KPNA2: variants seen among roughly 807,000 people sequenced by gnomAD.
KPNA2 encodes importin subunit alpha-1.
A neutral mutation model predicts 53.7 loss-of-function variants in KPNA2; 20 were observed. That is an observed-to-expected ratio of 0.37 (90% CI 0.26 to 0.54). KPNA2 has a LOEUF of 0.54. KPNA2 is among the 20% of genes least tolerant of loss of function. The pLI is 0.83. For synonymous variants in KPNA2, 238 were observed against 227.5 expected, an observed-to-expected ratio of 1.05 and a Z score of -0.42; for missense variants, 515 against 640.3, an observed-to-expected ratio of 0.80 and a Z score of 2.11.
chr17:68,045,301 C>T (rs1455616777), intron 9 of KPNA2, among the ~76,000 whole-genome samples: 6 of 152,054 alleles, frequency 3.9e-5, no homozygotes, highest in African/African-American at 1.5e-4. Flanking sequence ...ACCTACATAC[C>T]ATTCCATATG....
rs1555705045 is a variant in KPNA2, at chr17:68,043,977, G to A, written c.1070G>A (p.Trp357Ter). ...PKTNIQKEAT[W>*]TMSNITAGRQ... ...ACTAACATTCAGAAGGAAGCTACGT[G>A]GACAATGTCAAACATCACAGCCGGC... Residue 357 changes from tryptophan (W) to a stop codon, truncating the protein, a stop_gained, in exon 8 of 11, where the codon TGG becomes TAG. Transcript: ENST00000330459. LOFTEE classifies it high-confidence loss of function. 1 of 1,613,868 alleles carries A rather than the reference G, an allele frequency of 6.2e-7. No individual in the cohort carries two copies. Among genetic ancestry groups the A allele is most frequent in the Non-Finnish European group, 8.5e-7 (1 of 1,179,848 alleles).
chr17:68,043,167 C>G lies in KPNA2; in HGVS notation c.734C>G (p.Pro245Arg). The change falls in exon 7 of 11, where the codon CCG becomes CGG. Residue 245 changes from proline (P) to arginine (R), a missense_variant. Coordinates refer to ENST00000330459, the MANE Select transcript of KPNA2 (RefSeq NM_002266.4). Reference sequence around the variant, plus strand: ...TGCCGCAACAAGAATCCTGCACCCCCGATAGATGCTGTTGAGCAGATTCTT... The same window carrying G: ...TGCCGCAACAAGAATCCTGCACCCCGGATAGATGCTGTTGAGCAGATTCTT... ...NLCRNKNPAP[P>R]IDAVEQILPT... 1 of 1,614,090 alleles carries G rather than the reference C, an allele frequency of 6.2e-7. No individual in the cohort carries two copies. The highest frequency in any genetic ancestry group is 8.5e-7 in the Non-Finnish European group (1 of 1,180,014).
At chr17:68,038,439 C>T (rs2071216377) in intron 3 of KPNA2, among the ~76,000 whole-genome samples, 1 of 152,128 alleles carries the variant, frequency 6.6e-6, no homozygotes, top group Non-Finnish European at 1.5e-5. Context: ...TTTTGGTATT[C>T]TCTATGTTTT....
intron 3 of KPNA2, among the ~76,000 whole-genome samples, chr17:68,040,185 C>G (rs2071241093): frequency 1.3e-5 from 2 of 151,726 alleles, no homozygotes; most frequent in South Asian, 2.1e-4. Context: ...TAGAAATAAT[C>G]TTCAGTCTGC....
In KPNA2 at chr17:68,044,002, C is replaced by T; in HGVS notation, c.1095C>T (p.Gly365=). Residue 365 remains glycine, a synonymous_variant, in exon 8 of 11, where the codon GGC becomes GGT. Transcript: ENST00000330459. ...GGACAATGTCAAACATCACAGCCGG[C>T]CGCCAGGACCAGATACAGCAAGTTG... ...ATWTMSNITA[G]RQDQIQQVVN... 1.2e-6 allele frequency: 2 copies of T among 1,613,958 alleles called. No homozygotes were observed. The highest frequency in any genetic ancestry group is 1.7e-6 in the Non-Finnish European group (2 of 1,179,894).
intron 3 of KPNA2, among the ~76,000 whole-genome samples, chr17:68,039,030 A>G (rs782725539): frequency 8.5e-5 from 13 of 152,128 alleles, no homozygotes; most frequent in Non-Finnish European, 1.6e-4. Context: ...TCCCTACTCT[A>G]TGAAGGCCTT....
intron 5 of KPNA2, 129 bp downstream of exon 5, chr17:68,042,482 A>G (rs2071272208): frequency 2.0e-6 from 2 of 1,000,676 alleles, no homozygotes; most frequent in Admixed American, 2.2e-5. Flanking sequence ...TAGGAATGAA[A>G]GTGTCGTCTT....
intron 5 of KPNA2, 137 bp downstream of exon 5, chr17:68,042,490 CT>C: frequency 1.1e-6 from 1 of 948,466 alleles, no homozygotes; most frequent in Non-Finnish European, 1.6e-6. Flanking sequence ...AAAGTGTCGT[CT>C]TTACAAAGGC....
rs1444952145 is a variant in KPNA2 at position 68,043,097 on chromosome 17, C to T, written c.667-3C>T. The T allele has an allele frequency of 2.5e-6, 4 of 1,613,108 alleles. No individual in the cohort carries two copies. In the African/African-American group the frequency reaches 4.0e-5, roughly 16 times the overall value. On this transcript the variant is annotated splice_region_variant and splice_polypyrimidine_tract_variant and intron_variant, in intron 6 of 10. Transcript: ENST00000330459. ...CTCTCATTGCCTATTTTTTTTCCCC[C>T]AGTGTGGCTACTTACGTAATCTTAC...
intron 9 of KPNA2, chr17:68,045,435 A>C (rs2071317109): frequency 5.4e-6 from 1 of 184,330 alleles, no homozygotes; most frequent in Non-Finnish European, 1.1e-5. Flanking sequence ...GCTTTATGAA[A>C]CAATACACCC....
In KPNA2 at chr17:68,040,678, G is replaced by A; in HGVS notation, c.214G>A (p.Gly72Ser). ...GTGCAAACTTTCACTTTTCTTCTAG[G>A]GCACTGTAAATTGGTCTGTTGATGA... ...SPLQENRNNQ[G>S]TVNWSVDDIV... The change falls in exon 4 of 11, where the codon GGC (glycine) becomes AGC (serine). Residue 72 changes from glycine (G) to serine (S), a missense_variant and splice_region_variant. Coordinates refer to ENST00000330459, the MANE Select transcript of KPNA2 (RefSeq NM_002266.4). 1.9e-6 allele frequency: 3 copies of A among 1,601,172 alleles called. No individual in the cohort carries two copies. Among genetic ancestry groups the A allele is most frequent in the Non-Finnish European group, 1.7e-6 (2 of 1,169,556 alleles).
chr17:68,042,710 A>C (rs1465641797), intron 5 of KPNA2, among the ~76,000 whole-genome samples, 195 bp from the exon 6 acceptor site: 1 of 151,788 alleles, frequency 6.6e-6, no homozygotes, highest in Non-Finnish European at 1.5e-5. Context: ...GTGAAACCCC[A>C]CCTCTACTAA....
At chr17:68,044,606 C>G (rs1389612449) in intron 9 of KPNA2, 103 bp downstream of exon 9, 6 of 864,428 alleles carry the variant, frequency 6.9e-6, no homozygotes, top group Non-Finnish European at 1.1e-5. Flanking sequence ...CACTAGTAAG[C>G]CACAGAATCA....
Position 68,045,902 on chromosome 17 carries a change from A to C in KPNA2, c.1478A>C (p.Glu493Ala), listed in dbSNP as rs1555705358. The C allele has an allele frequency of 6.3e-7, 1 of 1,591,160 alleles. No individual in the cohort carries two copies. Among genetic ancestry groups the C allele is most frequent in the Non-Finnish European group, 8.6e-7 (1 of 1,168,874 alleles). Residue 493 changes from glutamate (E) to alanine (A), a missense_variant, in exon 10 of 11, where the codon GAG becomes GCG. Glu to Ala is a moderately radical substitution (Grantham distance 107). Coordinates refer to ENST00000330459, the MANE Select transcript of KPNA2 (RefSeq NM_002266.4). ...TATAAGGCTTCGTTAAGCTTAATTGAGAAGTATTTCTCTGTAGAGGTGAGT... is the reference window on the plus strand; with the variant it reads ...TATAAGGCTTCGTTAAGCTTAATTGCGAAGTATTTCTCTGTAGAGGTGAGT... ...SVYKASLSLI[E>A]KYFSVEEEED... is the part of the protein sequence containing the mutation.
At position 68,043,947 on chromosome 17, in the gene KPNA2, C is replaced by T; in HGVS notation, c.1040C>T (p.Pro347Leu). Reference protein sequence around the residue: ...LAVFPSLLTNPKTNIQKEATW... With the variant: ...LAVFPSLLTNLKTNIQKEATW... ...GTCTTTCCCAGCCTGCTCACCAACC[C>T]CAAAACTAACATTCAGAAGGAAGCT... The change falls in exon 8 of 11, where the codon CCC becomes CTC. Residue 347 changes from proline (P) to leucine (L), a missense_variant. By Grantham distance (98) the Pro-to-Leu change is moderately conservative. Coordinates refer to ENST00000330459, the MANE Select transcript of KPNA2 (RefSeq NM_002266.4). 6.2e-7 allele frequency: 1 copy of T among 1,613,838 alleles called. No individual in the cohort carries two copies. The highest frequency in any genetic ancestry group is 1.7e-4 in the Middle Eastern group (1 of 6,058).
chr17:68,042,366 G>C lies in KPNA2; in HGVS notation c.571+13G>C. ...GGAAACATTGCAGGTACTTGGACTTGAAGTTCTTTTGACTGAATGTATCTA... is the reference window on the plus strand; with the variant it reads ...GGAAACATTGCAGGTACTTGGACTTCAAGTTCTTTTGACTGAATGTATCTA... On this transcript the variant is annotated intron_variant, in intron 5 of 10. Coordinates refer to ENST00000330459, the MANE Select transcript of KPNA2 (RefSeq NM_002266.4). 1.9e-6 allele frequency: 3 copies of C among 1,612,456 alleles called. No individual in the cohort carries two copies. Among genetic ancestry groups the C allele is most frequent in the Non-Finnish European group, 2.5e-6 (3 of 1,178,796 alleles).
At position 68,046,611 on chromosome 17, in the gene KPNA2, A is replaced by G. The variant is rs1059433; in HGVS notation, c.*15A>G. 1 of 1,519,912 alleles carries G rather than the reference A, an allele frequency of 6.6e-7. No homozygotes were observed. The allele number at this position is 1,519,912 out of a possible 1,614,324, so 94.2% of individuals were successfully genotyped here. ...TTAACTTTTAGATCATGTAGCTGAG[A>G]CATAAATTTGTTGTGTACTACGTTT... On this transcript the variant is annotated 3_prime_UTR_variant, in exon 11 of 11. Transcript: ENST00000330459.
rs145281610 is a variant in KPNA2, at chr17:68,045,704, T to A, written c.1348-68T>A. 9.0e-3 allele frequency: 10,476 copies of A among 1,168,264 alleles called. 77 individuals are homozygous for A. Among genetic ancestry groups the A allele is most frequent in the Middle Eastern group, 0.017 (55 of 3,262 alleles). The allele number at this position is 1,168,264 out of a possible 1,614,324, so 72.4% of individuals were successfully genotyped here. A position where few individuals can be genotyped will look rare whatever the true frequency, so the allele number is the denominator to read the frequency against. ...GCCTGACGTATCAATATTCAAATTA[T>A]TGATGTTTTCTTCATTAAAATAAAA... On this transcript the variant is annotated intron_variant, in intron 9 of 10. Transcript: ENST00000330459.
intron 4 of KPNA2, among the ~76,000 whole-genome samples, chr17:68,041,680 C>A (rs1379610878): frequency 6.6e-6 from 1 of 152,126 alleles, no homozygotes. Flanking sequence ...GAGCTGTGAT[C>A]GTGGCACTGC....
Sources: allele counts gnomAD v4.1 joint callset (sites outside exome capture counted in the v4.1 genomes callset), GRCh38; gene constraint gnomAD v4.1.1; transcripts MANE v1.5; gene names NCBI Gene and HGNC (gene_info 2026-07-23, HGNC 2026-07-21).